NAALADL2: variants seen among roughly 807,000 people sequenced by gnomAD.
NAALADL2 encodes the protein N-acetylated alpha-linked acidic dipeptidase like 2.
NAALADL2 carries 76 observed loss-of-function variants against 87.2 expected under a neutral mutation model. The observed-to-expected ratio is 0.87, with a 90% CI of 0.72 to 1.05. NAALADL2 has a LOEUF of 1.05. Among genes scored for constraint, NAALADL2 ranks in the 50% least tolerant of loss-of-function variants. The pLI, the probability that NAALADL2 is intolerant of heterozygous loss-of-function variation, is 0.00. For missense variants in NAALADL2, 1,089 were observed against 945.8 expected, an observed-to-expected ratio of 1.15 and a Z score of -1.99; for synonymous variants, 354 against 331.0, an observed-to-expected ratio of 1.07 and a Z score of -0.75.
chr3:174,527,277 T>C (rs1720855248), intron 1 of NAALADL2, among the ~76,000 whole-genome samples: 1 of 152,004 alleles, frequency 6.6e-6, no homozygotes. Flanking sequence ...TCCCAGCACT[T>C]TGGGAGGCTG....
At chr3:174,981,637 T>C (rs1745126912) in intron 1 of NAALADL2, among the ~76,000 whole-genome samples, 1 of 152,178 alleles carries the variant, frequency 6.6e-6, no homozygotes, top group South Asian at 2.1e-4. Context: ...CTTTTAATAA[T>C]GAAAGCTGAG....
chr3:174,937,419 T>C (rs1737861133), intron 1 of NAALADL2, among the ~76,000 whole-genome samples: 1 of 152,102 alleles, frequency 6.6e-6, no homozygotes, highest in Non-Finnish European at 1.5e-5. Flanking sequence ...TTGGAAGCTC[T>C]CAGGCTAAGA....
chr3:174,749,019 A>G (rs1296789455), intron 3 of NAALADL2, among the ~76,000 whole-genome samples: 1 of 152,148 alleles, frequency 6.6e-6, no homozygotes, highest in Non-Finnish European at 1.5e-5. Flanking sequence ...TGGAAATAAT[A>G]ATAATAAACA....
At chr3:175,343,316 GA>G (rs938313569) in intron 5 of NAALADL2, among the ~76,000 whole-genome samples, 6 of 151,652 alleles carry the variant, frequency 4.0e-5, no homozygotes, top group South Asian at 2.1e-4. Context: ...TTGCACACAT[GA>G]AAAAAAATGA....
chr3:175,394,270 TTAGA>T (rs1487440514), intron 5 of NAALADL2, among the ~76,000 whole-genome samples: 1 of 152,058 alleles, frequency 6.6e-6, no homozygotes, highest in African/African-American at 2.4e-5. Flanking sequence ...AAATATACAG[TTAGA>T]TAGAAGGAGT....
chr3:175,279,748 T>C (rs1049444155), intron 4 of NAALADL2, among the ~76,000 whole-genome samples: 1 of 151,622 alleles, frequency 6.6e-6, no homozygotes, highest in African/African-American at 2.4e-5. Flanking sequence ...TTCTGAATTT[T>C]CCAACAATCG....
Position 175,698,263 on chromosome 3 carries a change from A to G in NAALADL2, c.1897-39043A>G, listed in dbSNP as rs1428926226. 8.0e-4 allele frequency among the ~76,000 whole-genome samples: 68 copies of G among 85,064 alleles called. 1 individual carries two copies. Among genetic ancestry groups the G allele is most frequent in the Admixed American group, 1.7e-3 (13 of 7,554 alleles). The allele number at this position is 85,064 out of a possible 152,430, so 55.8% of individuals were successfully genotyped here. Reference sequence around the variant, plus strand: ...CATATATATGTGTATATATGTATGTATACATATATATGTGTATATATGTAT... The same window carrying G: ...CATATATATGTGTATATATGTATGTGTACATATATATGTGTATATATGTAT... On this transcript the variant is annotated intron_variant, in intron 11 of 13. Transcript: ENST00000454872.
chr3:174,992,400 C>A (rs1017180384), intron 1 of NAALADL2, among the ~76,000 whole-genome samples: 1 of 151,984 alleles, frequency 6.6e-6, no homozygotes, highest in African/African-American at 2.4e-5. Context: ...GTTTCCAAGT[C>A]CAGTAAATAT....
chr3:174,884,899 G>A (rs906462197), intron 1 of NAALADL2, among the ~76,000 whole-genome samples: 4 of 152,118 alleles, frequency 2.6e-5, no homozygotes, highest in African/African-American at 7.2e-5. Context: ...AGTGTTGGGG[G>A]TGGCTCCTGA....
At chr3:175,694,701 G>A (rs1008980534) in intron 11 of NAALADL2, among the ~76,000 whole-genome samples, 4 of 152,060 alleles carry the variant, frequency 2.6e-5, no homozygotes, top group Admixed American at 6.6e-5. Context: ...TGAGATGTCC[G>A]TAGAAAAACA....
intron 1 of NAALADL2, among the ~76,000 whole-genome samples, chr3:174,999,881 G>C (rs1279078010): frequency 6.6e-6 from 1 of 152,030 alleles, no homozygotes; most frequent in Non-Finnish European, 1.5e-5. Context: ...TTTGCAGGCG[G>C]ATACAACAAT....
intron 2 of NAALADL2, among the ~76,000 whole-genome samples, chr3:175,141,441 T>C (rs1729978815): frequency 1.3e-5 from 2 of 152,030 alleles, no homozygotes; most frequent in South Asian, 4.1e-4. Context: ...TACATGGTCA[T>C]AGAGAAGGTG....
intron 1 of NAALADL2, among the ~76,000 whole-genome samples, chr3:174,977,273 C>T (rs980296185): frequency 1.3e-5 from 2 of 152,060 alleles, no homozygotes; most frequent in African/African-American, 2.4e-5. Context: ...GTTAGGCACC[C>T]CACACCACGC....
At chr3:174,681,966 C>T (rs1374535169) in intron 2 of NAALADL2, among the ~76,000 whole-genome samples, 1 of 152,140 alleles carries the variant, frequency 6.6e-6, no homozygotes, top group East Asian at 1.9e-4. Flanking sequence ...AACTGAAGAG[C>T]CCTTGTACCC....
At chr3:174,771,333 G>A (rs1401240113) in intron 3 of NAALADL2, among the ~76,000 whole-genome samples, 3 of 152,138 alleles carry the variant, frequency 2.0e-5, no homozygotes, top group Admixed American at 6.5e-5. Context: ...CAAGCTAGAG[G>A]TGATCACAGA....
At chr3:175,115,078 G>A (rs1423946583) in intron 2 of NAALADL2, 1 of 151,574 alleles carries the variant, frequency 6.6e-6, no homozygotes, top group Non-Finnish European at 1.5e-5. Context: ...CAGACTAAAT[G>A]ATAAAATATG....
chr3:174,467,230 C>A (rs1185498346), intron 1 of NAALADL2, among the ~76,000 whole-genome samples: 2 of 152,086 alleles, frequency 1.3e-5, no homozygotes, highest in African/African-American at 2.4e-5. Flanking sequence ...TTCATTTCAG[C>A]AGATATTTTT....
intron 2 of NAALADL2, among the ~76,000 whole-genome samples, chr3:174,621,968 C>T (rs1721055263): frequency 6.6e-6 from 1 of 152,118 alleles, no homozygotes; most frequent in Non-Finnish European, 1.5e-5. Context: ...AAAGGACTCT[C>T]AAGATCTCAT....
chr3:174,811,194 AC>A (rs139230193), intron 3 of NAALADL2, among the ~76,000 whole-genome samples: 15,550 of 152,068 alleles, frequency 0.1, 892 homozygotes, highest in African/African-American at 0.15. Context: ...TGGGGTTGGA[AC>A]CCCCACACAT....
Sources: allele counts gnomAD v4.1 joint callset (sites outside exome capture counted in the v4.1 genomes callset), GRCh38; gene constraint gnomAD v4.1.1; transcripts MANE v1.5; gene names NCBI Gene and HGNC (gene_info 2026-07-23, HGNC 2026-07-21).